Variants in GPC5 observed in about 807,000 individuals in gnomAD.
GPC5 encodes glypican-5.
A neutral mutation model predicts 53.9 loss-of-function variants in GPC5; 47 were observed. The ratio of observed to expected loss-of-function variants is 0.87; its 90% confidence interval spans 0.69 to 1.11. The LOEUF (loss-of-function observed/expected upper bound fraction) is 1.11, where lower values mean the gene tolerates loss of function less well. Ranked by LOEUF, GPC5 falls within the 50% of genes most tolerant of loss-of-function variation. The pLI, the probability that GPC5 is intolerant of heterozygous loss-of-function variation, is 0.00. For synonymous variants in GPC5, 286 were observed against 263.3 expected (o/e 1.09, Z -0.84); for missense variants, 748 against 713.1 (o/e 1.05, Z -0.56).
At chr13:91,561,283 G>T (rs1251924601) in intron 2 of GPC5, among the ~76,000 whole-genome samples, 1 of 152,050 alleles carries the variant, frequency 6.6e-6, no homozygotes, top group South Asian at 2.1e-4. Context: ...TAGGATGAGG[G>T]CCATTATGGT....
At chr13:92,117,764 T>A (rs542179273) in intron 6 of GPC5, among the ~76,000 whole-genome samples, 62 of 152,330 alleles carry the variant, frequency 4.1e-4, no homozygotes, top group African/African-American at 1.3e-3. Flanking sequence ...TTTCCATTTC[T>A]AAACGTTCTT....
chr13:92,206,059 A>C lies in GPC5; in HGVS notation c.1561+61070A>C, dbSNP rs1296729058. ...CTCCATCTCAAAAAAAAAAAAAAAA[A>C]AAAACCCAACAACGATTCCATTCTG... On this transcript the variant is annotated intron_variant, in intron 7 of 7. Transcript: ENST00000377067. Among the ~76,000 whole-genome samples, 56 of 151,408 alleles carry C rather than the reference A, an allele frequency of 3.7e-4. No individual in the cohort carries two copies. The East Asian group carries it at 7.6e-3, about 21-fold the overall frequency.
At chr13:92,846,515 G>GCAT (rs1451131389) in intron 7 of GPC5, among the ~76,000 whole-genome samples, 1 of 152,038 alleles carries the variant, frequency 6.6e-6, no homozygotes, top group Non-Finnish European at 1.5e-5. Flanking sequence ...ATCCTACCTG[G>GCAT]CATCCACAAT....
chr13:91,462,483 G>A (rs1179876125), intron 2 of GPC5, among the ~76,000 whole-genome samples: 1 of 152,074 alleles, frequency 6.6e-6, no homozygotes, highest in East Asian at 1.9e-4. Context: ...ACTGTGAAGG[G>A]CAATTTTTAT....
chr13:91,946,029 G>T (rs866012162), intron 6 of GPC5, among the ~76,000 whole-genome samples: 9 of 152,002 alleles, frequency 5.9e-5, no homozygotes, highest in Non-Finnish European at 1.0e-4. Context: ...GGTCGGGGGC[G>T]GGGGCTTCTA....
intron 6 of GPC5, among the ~76,000 whole-genome samples, chr13:92,017,769 C>T (rs2040719961): frequency 1.3e-5 from 2 of 151,750 alleles, no homozygotes; most frequent in Non-Finnish European, 2.9e-5. Context: ...TAAACACACA[C>T]GTGCATGAGT....
In GPC5 at chr13:92,069,722, A is replaced by G. The variant is rs1594751634; in HGVS notation, c.1402-75108A>G. ...TTACAAAATGTATAAGATCATGACTATCAAATTATTTCTTCAGCCTTGACT... is the reference window on the plus strand; with the variant it reads ...TTACAAAATGTATAAGATCATGACTGTCAAATTATTTCTTCAGCCTTGACT... On this transcript the variant is annotated intron_variant, in intron 6 of 7. Coordinates refer to ENST00000377067, the MANE Select transcript of GPC5 (RefSeq NM_004466.6). 2.0e-5 allele frequency among the ~76,000 whole-genome samples: 3 copies of G among 152,240 alleles called. No homozygotes were observed. In the South Asian group the frequency reaches 6.2e-4, roughly 32 times the overall value.
chr13:91,582,056 AGTTTGCCTTGGT>A (rs1374530388), intron 2 of GPC5, among the ~76,000 whole-genome samples: 18 of 152,160 alleles, frequency 1.2e-4, no homozygotes, highest in Admixed American at 6.5e-4. Flanking sequence ...GCAAGTGAGA[AGTTTGCCTTGGT>A]GTAGACAAAA....
chr13:91,764,470 T>A (rs548574943), intron 5 of GPC5, among the ~76,000 whole-genome samples: 13 of 152,326 alleles, frequency 8.5e-5, no homozygotes, highest in African/African-American at 2.9e-4. Context: ...CCATTTTTAC[T>A]TTGTCACCAG....
chr13:92,728,960 C>G (rs1034634687), intron 7 of GPC5, among the ~76,000 whole-genome samples: 6 of 151,236 alleles, frequency 4.0e-5, no homozygotes, highest in South Asian at 4.1e-4. Flanking sequence ...CTTATCCTCT[C>G]AGAAAAAAAC....
chr13:91,539,446 C>G (rs1340423120), intron 2 of GPC5, among the ~76,000 whole-genome samples: 2 of 152,124 alleles, frequency 1.3e-5, no homozygotes, highest in Non-Finnish European at 2.9e-5. Flanking sequence ...GGCAGGCTGC[C>G]TCCAAGTGGG....
At chr13:92,147,027 G>A (rs374655876) in intron 7 of GPC5, among the ~76,000 whole-genome samples, 1 of 152,024 alleles carries the variant, frequency 6.6e-6, no homozygotes, top group African/African-American at 2.4e-5. Flanking sequence ...GACGTGACGT[G>A]AAGCCAGGAT....
intron 7 of GPC5, among the ~76,000 whole-genome samples, chr13:92,554,590 T>G (rs1185582064): frequency 6.6e-6 from 1 of 151,284 alleles, no homozygotes; most frequent in East Asian, 1.9e-4. Context: ...AACTATTTAC[T>G]TGAAAAAAAC....
chr13:92,199,629 A>G (rs2042280552), intron 7 of GPC5, among the ~76,000 whole-genome samples: 2 of 152,172 alleles, frequency 1.3e-5, no homozygotes, highest in African/African-American at 2.4e-5. Context: ...ATGTTTGGCT[A>G]TTTTATAGGC....
intron 3 of GPC5, among the ~76,000 whole-genome samples, chr13:91,712,909 G>A (rs747925298): frequency 7.3e-5 from 11 of 151,694 alleles, no homozygotes; most frequent in Non-Finnish European, 1.0e-4. Flanking sequence ...AAAAACAAGC[G>A]GCCAGGTGCG....
intron 4 of GPC5, among the ~76,000 whole-genome samples, chr13:91,730,201 A>G (rs1388992014): frequency 6.6e-6 from 1 of 152,200 alleles, no homozygotes; most frequent in Non-Finnish European, 1.5e-5. Flanking sequence ...GAGGGGCTTC[A>G]TTGCCATGGC....
chr13:92,473,313 A>G (rs1409548765), intron 7 of GPC5, among the ~76,000 whole-genome samples: 4 of 152,122 alleles, frequency 2.6e-5, no homozygotes, highest in Non-Finnish European at 5.9e-5. Context: ...ATGGGTTGCA[A>G]TGTTTTATTT....
At chr13:92,197,401 G>T (rs181913225) in intron 7 of GPC5, among the ~76,000 whole-genome samples, 1 of 152,108 alleles carries the variant, frequency 6.6e-6, no homozygotes, top group African/African-American at 2.4e-5. Context: ...GGTAGATCTA[G>T]ATATCAGGAA....
rs1265869432 is a variant in GPC5, at chr13:92,128,016, A to G, written c.1402-16814A>G. ...ATTTGCCTGGGCTCCTTCTGATGGC[A>G]TCTTTACTCTCCAGGTGAAGGGATG... On this transcript the variant is annotated intron_variant, in intron 6 of 7. Coordinates refer to ENST00000377067, the MANE Select transcript of GPC5 (RefSeq NM_004466.6). 3.9e-5 allele frequency among the ~76,000 whole-genome samples: 6 copies of G among 152,288 alleles called. No individual in the cohort carries two copies. In the East Asian group the frequency reaches 7.7e-4, roughly 20 times the overall value.
Sources: allele counts gnomAD v4.1 joint callset (sites outside exome capture counted in the v4.1 genomes callset), GRCh38; gene constraint gnomAD v4.1.1; transcripts MANE v1.5; gene names NCBI Gene and HGNC (gene_info 2026-07-23, HGNC 2026-07-21).